Variants in FHIT observed in about 807,000 individuals in gnomAD.
FHIT encodes bis(5'-adenosyl)-triphosphatase.
Under a neutral mutation model 17.9 loss-of-function variants are expected in FHIT, and 19 were observed. That is an observed-to-expected ratio of 1.06 (90% CI 0.74 to 1.56). The LOEUF (loss-of-function observed/expected upper bound fraction) is 1.56. FHIT is among the 40% of genes most tolerant of loss of function. The pLI is 0.00. For missense variants in FHIT, 248 were observed against 189.2 expected (o/e 1.31, Z -1.82); for synonymous variants, 81 against 69.7 (o/e 1.16, Z -0.81).
chr3:60,748,554 G>A (rs1553715976), intron 4 of FHIT, among the ~76,000 whole-genome samples: 1 of 152,166 alleles, frequency 6.6e-6, no homozygotes, highest in Non-Finnish European at 1.5e-5. Flanking sequence ...GCTCACACCT[G>A]TAATCCCAGC....
At chr3:60,240,136 A>C (rs1188789236) in intron 5 of FHIT, among the ~76,000 whole-genome samples, 1 of 152,202 alleles carries the variant, frequency 6.6e-6, no homozygotes, top group East Asian at 1.9e-4. Flanking sequence ...ATCAATATGC[A>C]TCTCCCTACC....
At chr3:61,091,295 T>A (rs746412489) in intron 2 of FHIT, among the ~76,000 whole-genome samples, 2 of 152,012 alleles carry the variant, frequency 1.3e-5, no homozygotes, top group African/African-American at 2.4e-5. Flanking sequence ...CAATTAGGAG[T>A]TTGGGCTCTC....
At chr3:60,357,058 T>C (rs2106973231) in intron 5 of FHIT, among the ~76,000 whole-genome samples, 1 of 152,300 alleles carries the variant, frequency 6.6e-6, no homozygotes, top group Middle Eastern at 3.4e-3. Context: ...CTAGTTCAAA[T>C]TACGTTTCTT....
At chr3:60,574,556 A>G (rs2037501681) in intron 4 of FHIT, among the ~76,000 whole-genome samples, 1 of 151,942 alleles carries the variant, frequency 6.6e-6, no homozygotes, top group Non-Finnish European at 1.5e-5. Context: ...CACGCATTCT[A>G]TAGCCCCCTC....
In FHIT at chr3:60,801,657, T is replaced by G. The variant is rs192452065; in HGVS notation, c.-18+20262A>C. 1.0e-3 allele frequency among the ~76,000 whole-genome samples: 154 copies of G among 152,346 alleles called. 2 individuals carry two copies. Among genetic ancestry groups the G allele is most frequent in the Admixed American group, 7.8e-3 (119 of 15,306 alleles). On this transcript the variant is annotated intron_variant, in intron 4 of 9. Transcript: ENST00000492590. ...ATGCAAAAGAGAAATGAAAATTAAC[T>G]TATTAATCTTATGACAGTATTGGGC...
intron 8 of FHIT, among the ~76,000 whole-genome samples, chr3:59,904,008 G>A (rs1704460188): frequency 6.6e-6 from 1 of 152,088 alleles, no homozygotes; most frequent in African/African-American, 2.4e-5. Flanking sequence ...GTTAGGGCCT[G>A]AAGAAAGATA....
At position 60,110,623 on chromosome 3, in the gene FHIT, A is replaced by C. The variant is rs146187911; in HGVS notation, c.104-96471T>G. Among the ~76,000 whole-genome samples the C allele has an allele frequency of 4.6e-3, 694 of 152,282 alleles. 7 individuals carry two copies. Among genetic ancestry groups the C allele is most frequent in the African/African-American group, 0.016 (663 of 41,566 alleles). Reference sequence around the variant, plus strand: ...CATCACCTCCGAGCCTCAGTTTCTTAATCTGTAAAACAGACATACTAACAT... The same window carrying C: ...CATCACCTCCGAGCCTCAGTTTCTTCATCTGTAAAACAGACATACTAACAT... On this transcript the variant is annotated intron_variant, in intron 5 of 9. Coordinates refer to ENST00000492590, the MANE Select transcript of FHIT (RefSeq NM_002012.4).
intron 8 of FHIT, among the ~76,000 whole-genome samples, chr3:59,785,368 G>A (rs936245804): frequency 4.7e-5 from 7 of 150,032 alleles, no homozygotes; most frequent in Admixed American, 2.0e-4. Context: ...GGAGTGCAGT[G>A]GCACGATCTT....
chr3:60,322,953 CAGA>C (rs1319927491), intron 5 of FHIT, among the ~76,000 whole-genome samples: 1 of 152,038 alleles, frequency 6.6e-6, no homozygotes, highest in Non-Finnish European at 1.5e-5. Context: ...ATAAAAGGAG[CAGA>C]AGGACTGTAT....
At chr3:60,714,424 T>C (rs1340975047) in intron 4 of FHIT, among the ~76,000 whole-genome samples, 4 of 152,108 alleles carry the variant, frequency 2.6e-5, no homozygotes, top group African/African-American at 9.7e-5. Context: ...GTGTTGGAAG[T>C]TCTGGCCAGG....
At chr3:60,655,378 C>A (rs1346311667) in intron 4 of FHIT, among the ~76,000 whole-genome samples, 5 of 152,150 alleles carry the variant, frequency 3.3e-5, no homozygotes, top group African/African-American at 1.2e-4. Context: ...AGCTCTTTTA[C>A]TAAAAACAAC....
In FHIT at chr3:60,047,770, C is replaced by G. The variant is rs1202883217; in HGVS notation, c.104-33618G>C. Among the ~76,000 whole-genome samples, 3 of 152,348 alleles carry G rather than the reference C, an allele frequency of 2.0e-5. No individual in the cohort carries two copies. The East Asian group carries it at 5.8e-4, about 29-fold the overall frequency. ...TTATTATTCCCCACTTCATGGACCA[C>G]TCAGTGCCATACTAAGAGTCCCAGA... is the stretch of plus-strand genomic sequence containing the variant. On this transcript the variant is annotated intron_variant, in intron 5 of 9. Transcript: ENST00000492590.
At chr3:60,757,118 T>C (rs1460754296) in intron 4 of FHIT, among the ~76,000 whole-genome samples, 1 of 152,236 alleles carries the variant, frequency 6.6e-6, no homozygotes, top group Non-Finnish European at 1.5e-5. Context: ...GTTATTAATA[T>C]ATTTGAGATC....
intron 4 of FHIT, among the ~76,000 whole-genome samples, chr3:60,573,253 T>C (rs929288003): frequency 6.6e-6 from 1 of 152,152 alleles, no homozygotes; most frequent in East Asian, 1.9e-4. Context: ...CTTTCCCTGA[T>C]CAAACGTCCC....
chr3:60,202,660 CATTA>C (rs1478911948), intron 5 of FHIT, among the ~76,000 whole-genome samples: 6 of 152,128 alleles, frequency 3.9e-5, no homozygotes, highest in Non-Finnish European at 8.8e-5. Context: ...CACAAATACT[CATTA>C]TTTATTTATC....
chr3:60,316,415 T>G (rs771946920), intron 5 of FHIT, among the ~76,000 whole-genome samples: 1 of 152,136 alleles, frequency 6.6e-6, no homozygotes, highest in Non-Finnish European at 1.5e-5. Context: ...AAACTTAGGA[T>G]AGGTTGAAAA....
At chr3:60,650,341 T>TCTC (rs1553687965) in intron 4 of FHIT, among the ~76,000 whole-genome samples, 11 of 152,104 alleles carry the variant, frequency 7.2e-5, no homozygotes, top group African/African-American at 2.7e-4. Flanking sequence ...TAAGAGGACC[T>TCTC]TAGAGATCAC....
chr3:60,633,048 A>C (rs972312184), intron 4 of FHIT, among the ~76,000 whole-genome samples: 2 of 152,214 alleles, frequency 1.3e-5, no homozygotes, highest in Non-Finnish European at 2.9e-5. Flanking sequence ...TGGACATTTT[A>C]CTTCTTGGGG....
intron 5 of FHIT, among the ~76,000 whole-genome samples, chr3:60,340,381 G>C (rs373067139): frequency 3.3e-5 from 5 of 152,228 alleles, no homozygotes; most frequent in African/African-American, 1.2e-4. Context: ...AGAAGTAAGT[G>C]GTACATTGCC....
Sources: gnomAD v4.1 joint callset for allele counts (sites outside exome capture counted in the v4.1 genomes callset) on GRCh38, gnomAD v4.1.1 for gene constraint, MANE v1.5 for transcripts, NCBI Gene and HGNC (gene_info 2026-07-23, HGNC 2026-07-21) for gene names.